Variants in BBS9 observed in about 807,000 individuals in gnomAD.
BBS9 encodes protein PTHB1.
BBS9 carries 89 observed loss-of-function variants against 117.7 expected under a neutral mutation model. That is an observed-to-expected ratio of 0.76 (90% CI 0.64 to 0.90). The LOEUF is 0.90. Ranked by LOEUF, BBS9 falls within the 40% of genes least tolerant of loss-of-function variation. The probability of loss-of-function intolerance (pLI) is 0.00; values close to 1 mark genes in which losing one functional copy is unlikely to be tolerated. For synonymous variants in BBS9, 379 were observed against 370.9 expected (o/e 1.02, Z -0.25); for missense variants, 982 against 1,042.2 (o/e 0.94, Z 0.80).
intron 19 of BBS9, among the ~76,000 whole-genome samples, chr7:33,403,111 T>C (rs1446530688): frequency 6.6e-6 from 1 of 151,922 alleles, no homozygotes; most frequent in African/African-American, 2.4e-5. Flanking sequence ...TCAACTTTTA[T>C]TTTAGATTCA....
chr7:33,492,850 G>A (rs919334874), intron 19 of BBS9, among the ~76,000 whole-genome samples: 3 of 147,926 alleles, frequency 2.0e-5, no homozygotes, highest in Admixed American at 1.4e-4. Flanking sequence ...GTGTGTGTGT[G>A]TGTGTATGTG....
At chr7:33,293,544 T>A (rs1452230110) in intron 9 of BBS9, among the ~76,000 whole-genome samples, 1 of 152,180 alleles carries the variant, frequency 6.6e-6, no homozygotes, top group East Asian at 1.9e-4. Context: ...GGAGGTCCCA[T>A]GATGTCATCT....
At chr7:33,556,522 C>A (rs1466979614) in intron 21 of BBS9, among the ~76,000 whole-genome samples, 1 of 152,150 alleles carries the variant, frequency 6.6e-6, no homozygotes, top group Non-Finnish European at 1.5e-5. Flanking sequence ...ATTTTATTTT[C>A]CCAGCTGTTT....
At chr7:33,232,742 G>A (rs1347588653) in intron 5 of BBS9, among the ~76,000 whole-genome samples, 1 of 151,994 alleles carries the variant, frequency 6.6e-6, no homozygotes, top group African/African-American at 2.4e-5. Context: ...AACTGTTCAT[G>A]TATAATATAT....
At chr7:33,238,202 G>A (rs1421646456) in intron 5 of BBS9, among the ~76,000 whole-genome samples, 1 of 152,178 alleles carries the variant, frequency 6.6e-6, no homozygotes, top group East Asian at 1.9e-4. Flanking sequence ...TAAAAAATGT[G>A]TGCCCAAACT....
At chr7:33,247,716 A>T (rs940119985) in intron 5 of BBS9, among the ~76,000 whole-genome samples, 2 of 152,182 alleles carry the variant, frequency 1.3e-5, no homozygotes, top group Admixed American at 1.3e-4. Flanking sequence ...CCTAGCACAT[A>T]CTAGGTGTAC....
Position 33,270,131 on chromosome 7 carries a change from A to G in BBS9, c.703-2881A>G, listed in dbSNP as rs531487518. Reference sequence around the variant, plus strand: ...CTAACATACCCCACTTTGAAACCAAAGGCAAGAATTTAGCTATAAATAAAA... The same window carrying G: ...CTAACATACCCCACTTTGAAACCAAGGGCAAGAATTTAGCTATAAATAAAA... On this transcript the variant is annotated intron_variant, in intron 7 of 22. Coordinates refer to ENST00000242067, the MANE Select transcript of BBS9 (RefSeq NM_198428.3). Among the ~76,000 whole-genome samples the G allele has an allele frequency of 3.3e-5, 5 of 152,284 alleles. No individual in the cohort carries two copies. The East Asian group carries it at 9.6e-4, about 29-fold the overall frequency.
At chr7:33,390,587 A>G (rs2099451736) in intron 19 of BBS9, 4 of 970,198 alleles carry the variant, frequency 4.1e-6, no homozygotes, top group African/African-American at 1.8e-5. Context: ...TTTGTAATAA[A>G]TGAGGGTGAG....
intron 4 of BBS9, among the ~76,000 whole-genome samples, chr7:33,168,648 CTT>C (rs1164825873): frequency 2.6e-5 from 4 of 151,950 alleles, no homozygotes; most frequent in African/African-American, 9.7e-5. Flanking sequence ...TTCCATAAAC[CTT>C]TCATTTTGCA....
chr7:33,627,468 A>G (rs543955564), intron 21 of BBS9, among the ~76,000 whole-genome samples: 2 of 152,320 alleles, frequency 1.3e-5, no homozygotes, highest in East Asian at 3.9e-4. Flanking sequence ...GGCACTGCCT[A>G]GTAGAGCTGT....
At chr7:33,252,451 A>G (rs1267521591) in intron 5 of BBS9, among the ~76,000 whole-genome samples, 1 of 152,130 alleles carries the variant, frequency 6.6e-6, no homozygotes, top group African/African-American at 2.4e-5. Flanking sequence ...AGTAGTCTCT[A>G]GGCTTGTTAA....
chr7:33,481,485 T>C (rs1234831476), intron 19 of BBS9, among the ~76,000 whole-genome samples: 6 of 151,890 alleles, frequency 4.0e-5, no homozygotes, highest in Admixed American at 6.6e-5. Flanking sequence ...AATTATGTAA[T>C]ATGATATTAT....
intron 19 of BBS9, among the ~76,000 whole-genome samples, chr7:33,450,864 GTTTTTT>G (rs144231724): frequency 7.1e-6 from 1 of 140,232 alleles, no homozygotes; most frequent in Admixed American, 7.1e-5. Flanking sequence ...CTGTTCAGAA[GTTTTTT>G]TTTTTTGTTT....
intron 10 of BBS9, among the ~76,000 whole-genome samples, chr7:33,337,664 T>C (rs925691154): frequency 6.6e-6 from 1 of 152,150 alleles, no homozygotes; most frequent in Non-Finnish European, 1.5e-5. Context: ...TAAAAATCTA[T>C]TTGTTGTCAG....
chr7:33,317,454 C>CTT (rs11444299), intron 9 of BBS9, among the ~76,000 whole-genome samples: 5,776 of 150,308 alleles, frequency 0.038, 193 homozygotes, highest in African/African-American at 0.088. Context: ...GAATCAACAT[C>CTT]TTTTTTTTTA....
At chr7:33,450,542 G>T (rs1485290052) in intron 19 of BBS9, among the ~76,000 whole-genome samples, 1 of 152,198 alleles carries the variant, frequency 6.6e-6, no homozygotes, top group Admixed American at 6.5e-5. Context: ...ACTGATGTGT[G>T]TGTGTGTTTA....
At chr7:33,208,326 A>G (rs78374470) in intron 5 of BBS9, among the ~76,000 whole-genome samples, 2,426 of 152,282 alleles carry the variant, frequency 0.016, 73 homozygotes, top group African/African-American at 0.056. Context: ...ATGATAAACA[A>G]ACCTCTGTCT....
intron 4 of BBS9, among the ~76,000 whole-genome samples, chr7:33,172,196 C>G (rs1432926351): frequency 1.3e-5 from 2 of 151,948 alleles, no homozygotes. Context: ...CTGGCTAACA[C>G]CGTGAAACCC....
At chr7:33,328,047 A>T (rs935471151) in intron 9 of BBS9, among the ~76,000 whole-genome samples, 3 of 152,190 alleles carry the variant, frequency 2.0e-5, no homozygotes, top group African/African-American at 7.2e-5. Context: ...GGCTGGATGT[A>T]CATGTCTGGC....
Sources: gnomAD v4.1 joint callset for allele counts (sites outside exome capture counted in the v4.1 genomes callset) on GRCh38, gnomAD v4.1.1 for gene constraint, MANE v1.5 for transcripts, NCBI Gene and HGNC (gene_info 2026-07-23, HGNC 2026-07-21) for gene names.